KCNQ3: variants seen among roughly 807,000 people sequenced by gnomAD.
KCNQ3 encodes the protein potassium voltage-gated channel subfamily Q member 3.
A neutral mutation model predicts 92.5 loss-of-function variants in KCNQ3; 30 were observed. That is an observed-to-expected ratio of 0.32 (90% CI 0.24 to 0.44). The LOEUF is 0.44. Among genes scored for constraint, KCNQ3 ranks in the 20% least tolerant of loss-of-function variants. KCNQ3 has a pLI of 1.00. For missense variants in KCNQ3, 913 were observed against 1,140.3 expected (o/e 0.80, Z 2.87); for synonymous variants, 450 against 468.8 (o/e 0.96, Z 0.52).
At chr8:132,299,104 C>A (rs1407645227) in intron 1 of KCNQ3, among the ~76,000 whole-genome samples, 1 of 141,928 alleles carries the variant, frequency 7.0e-6, no homozygotes, top group East Asian at 2.1e-4. Context: ...TTTTTTTTTT[C>A]TTGGTTTATA....
chr8:132,368,505 C>T (rs1405235371), intron 1 of KCNQ3, among the ~76,000 whole-genome samples: 1 of 151,920 alleles, frequency 6.6e-6, no homozygotes, highest in African/African-American at 2.4e-5. Flanking sequence ...TAAAAATAAA[C>T]AGCTGGGTGT....
At chr8:132,378,451 T>C (rs187046529) in intron 1 of KCNQ3, among the ~76,000 whole-genome samples, 3 of 152,294 alleles carry the variant, frequency 2.0e-5, no homozygotes, top group Admixed American at 2.0e-4. Flanking sequence ...TAATTTATAC[T>C]CCAATCCGAT....
In KCNQ3 at chr8:132,137,944, A is replaced by C. The variant is rs759494626; in HGVS notation, c.1641T>G (p.Ile547Met). Residue 547 changes from isoleucine (I) to methionine (M), a missense_variant, in exon 12 of 15, where the codon ATT (isoleucine) becomes ATG (methionine). Around this residue, in one of 6 missense-constraint regions of KCNQ3, gnomAD observed 182 missense variants for 234.5 expected, o/e 0.78. Transcript: ENST00000388996. ...CGAGATGCCCGGCAGAATACTGCTC[A>C]ATCACATCCTTCACATCGTAAGGCC... The part of the protein sequence containing the change: ...TLRPYDVKDV[I>M]EQYSAGHLDM... 1 of 1,613,934 alleles carries C rather than the reference A, an allele frequency of 6.2e-7. No individual in the cohort carries two copies.
chr8:132,229,678 C>A (rs747474734), intron 1 of KCNQ3, among the ~76,000 whole-genome samples: 1 of 151,830 alleles, frequency 6.6e-6, no homozygotes, highest in Non-Finnish European at 1.5e-5. Context: ...GGCAATTAAA[C>A]CACAGGAGCC....
At chr8:132,246,374 AG>A (rs1260363013) in intron 1 of KCNQ3, among the ~76,000 whole-genome samples, 1 of 152,260 alleles carries the variant, frequency 6.6e-6, no homozygotes, top group Non-Finnish European at 1.5e-5. Context: ...GAAGCTACAA[AG>A]TTAACAGAAA....
intron 1 of KCNQ3, among the ~76,000 whole-genome samples, chr8:132,307,769 A>G (rs1489658585): frequency 1.3e-5 from 2 of 152,230 alleles, no homozygotes; most frequent in African/African-American, 4.8e-5. Flanking sequence ...GGGCCAGGAT[A>G]TTGGTCACTA....
Position 132,184,376 on chromosome 8 carries a change from A to G in KCNQ3, c.478-9T>C, listed in dbSNP as rs981912171. 1.2e-6 allele frequency: 2 copies of G among 1,613,812 alleles called. No homozygotes were observed. Among genetic ancestry groups the G allele is most frequent in the Admixed American group, 1.7e-5 (1 of 59,996 alleles). On this transcript the variant is annotated splice_polypyrimidine_tract_variant and intron_variant, in intron 2 of 14. Transcript: ENST00000388996. ...AAAATAGCAAATGTCTCCTGCATGG[A>G]AGAGCATATGGAGAGGCACTGATTA... is the stretch of plus-strand genomic sequence containing the variant.
chr8:132,359,564 G>T lies in KCNQ3; in HGVS notation c.386+120583C>A, dbSNP rs138640540. 2.6e-5 allele frequency among the ~76,000 whole-genome samples: 4 copies of T among 152,232 alleles called. No individual in the cohort carries two copies. The East Asian group carries it at 7.7e-4, about 29-fold the overall frequency. ...AGATTTCTGCATCAGAAAGAGGGCT[G>T]GGTACCAATTGAATCTGCTTACACA... On this transcript the variant is annotated intron_variant, in intron 1 of 14. Transcript: ENST00000388996.
At chr8:132,242,180 G>A (rs983782937) in intron 1 of KCNQ3, among the ~76,000 whole-genome samples, 1 of 152,176 alleles carries the variant, frequency 6.6e-6, no homozygotes. Flanking sequence ...TTGCTGACCT[G>A]TGAGGTGGTT....
At chr8:132,363,992 G>A (rs1819244786) in intron 1 of KCNQ3, among the ~76,000 whole-genome samples, 1 of 151,890 alleles carries the variant, frequency 6.6e-6, no homozygotes, top group African/African-American at 2.4e-5. Flanking sequence ...ATTGAAGTTT[G>A]TGTTCTGTTC....
At chr8:132,272,727 G>A (rs2896655) in intron 1 of KCNQ3, among the ~76,000 whole-genome samples, 14,797 of 152,046 alleles carry the variant, frequency 0.097, 875 homozygotes, top group South Asian at 0.16. Flanking sequence ...AAAAACACCC[G>A]TCCCCATAAT....
At position 132,256,103 on chromosome 8, in the gene KCNQ3, G is replaced by A. The variant is rs1454301328; in HGVS notation, c.387-69922C>T. Among the ~76,000 whole-genome samples the A allele has an allele frequency of 2.0e-5, 3 of 151,482 alleles. No individual in the cohort carries two copies. In the East Asian group the frequency reaches 5.8e-4, roughly 29 times the overall value. ...TCTTACATATGTCCAAAACACTAAA[G>A]GAAACCACATACAAGAACTAAAGAA... On this transcript the variant is annotated intron_variant, in intron 1 of 14. Transcript: ENST00000388996.
intron 1 of KCNQ3, among the ~76,000 whole-genome samples, chr8:132,306,002 T>C (rs1817410870): frequency 6.6e-6 from 1 of 152,112 alleles, no homozygotes; most frequent in South Asian, 2.1e-4. Flanking sequence ...TCCCTGGGCA[T>C]CTTCTTAGAC....
At chr8:132,402,407 A>G (rs1035845146) in intron 1 of KCNQ3, among the ~76,000 whole-genome samples, 7 of 152,198 alleles carry the variant, frequency 4.6e-5, no homozygotes, top group African/African-American at 1.7e-4. Flanking sequence ...TCTCAGCTAA[A>G]TAGAAACCTT....
intron 1 of KCNQ3, among the ~76,000 whole-genome samples, chr8:132,386,547 G>C (rs575352573): frequency 2.0e-5 from 3 of 152,166 alleles, no homozygotes; most frequent in Admixed American, 2.0e-4. Flanking sequence ...AAAAAATCTT[G>C]AGGGATATCA....
At chr8:132,162,576 A>G (rs1462838648) in intron 9 of KCNQ3, among the ~76,000 whole-genome samples, 1 of 152,106 alleles carries the variant, frequency 6.6e-6, no homozygotes. Context: ...CATTCACCTA[A>G]CCCTCCTTTA....
At chr8:132,471,253 G>A (rs1220041694) in intron 1 of KCNQ3, among the ~76,000 whole-genome samples, 1 of 152,184 alleles carries the variant, frequency 6.6e-6, no homozygotes, top group Non-Finnish European at 1.5e-5. Context: ...ACCACGACAT[G>A]AGGATAGAAG....
chr8:132,336,664 T>C (rs1030279893), intron 1 of KCNQ3, among the ~76,000 whole-genome samples: 2 of 152,210 alleles, frequency 1.3e-5, no homozygotes, highest in Admixed American at 1.3e-4. Context: ...CAGTGTCATA[T>C]AGTTCTTCCC....
intron 1 of KCNQ3, among the ~76,000 whole-genome samples, chr8:132,227,058 CTCTTTTTTTTT>C (rs1814447388): frequency 1.1e-5 from 1 of 88,662 alleles, no homozygotes; most frequent in African/African-American, 5.6e-5. Context: ...ACATATCTCA[CTCTTTTTTTTT>C]TTTTTTTTTT....
Sources: allele counts gnomAD v4.1 joint callset (sites outside exome capture counted in the v4.1 genomes callset), GRCh38; gene constraint gnomAD v4.1.1; regional missense constraint gnomAD v4.1.1; transcripts MANE v1.5; gene names NCBI Gene and HGNC (gene_info 2026-07-23, HGNC 2026-07-21).